GPC6: variants seen among roughly 807,000 people sequenced by gnomAD.
GPC6 encodes glypican 6, also known as glypican-6.
In GPC6, 14 loss-of-function variants were observed where a neutral mutation model predicts 55.2. The observed-to-expected ratio is 0.25, with a 90% CI of 0.17 to 0.40. The LOEUF is 0.40. Among genes scored for constraint, GPC6 ranks in the 10% least tolerant of loss-of-function variants. GPC6 has a pLI of 1.00. For missense variants in GPC6, 641 were observed against 708.5 expected, an observed-to-expected ratio of 0.90 and a Z score of 1.08; for synonymous variants, 278 against 259.6, an observed-to-expected ratio of 1.07 and a Z score of -0.68.
intron 4 of GPC6, among the ~76,000 whole-genome samples, chr13:94,090,390 C>G (rs2138810526): frequency 6.6e-6 from 1 of 152,204 alleles, no homozygotes; most frequent in South Asian, 2.1e-4. Flanking sequence ...ATTATCATTT[C>G]TATTAGCATG....
At chr13:94,052,632 C>T (rs76632343) in intron 4 of GPC6, among the ~76,000 whole-genome samples, 1,768 of 152,214 alleles carry the variant, frequency 0.012, 44 homozygotes, top group African/African-American at 0.041. Context: ...TGCCTTACAT[C>T]GTTTAACAAT....
intron 4 of GPC6, among the ~76,000 whole-genome samples, chr13:94,232,079 A>G (rs1594081340): frequency 2.6e-5 from 4 of 152,120 alleles, no homozygotes; most frequent in Admixed American, 1.3e-4. Flanking sequence ...CGAAAAATAT[A>G]TTTTCTAAGA....
Position 94,080,887 on chromosome 13 carries a change from C to T in GPC6, c.877+52993C>T, listed in dbSNP as rs946778330. ...ATATGAATTTTGGAAGGATACAAAT[C>T]AGTTCATACCAAAGGGGAAGTATTT... is the stretch of plus-strand genomic sequence containing the variant. On this transcript the variant is annotated intron_variant, in intron 4 of 8. Coordinates refer to ENST00000377047, the MANE Select transcript of GPC6 (RefSeq NM_005708.5). Among the ~76,000 whole-genome samples the T allele has an allele frequency of 3.9e-5, 6 of 152,296 alleles. No homozygotes were observed. In the East Asian group the frequency reaches 1.2e-3, roughly 29 times the overall value.
At chr13:94,175,369 A>G (rs913636984) in intron 4 of GPC6, among the ~76,000 whole-genome samples, 1 of 152,140 alleles carries the variant, frequency 6.6e-6, no homozygotes, top group Non-Finnish European at 1.5e-5. Context: ...AACAAATGTT[A>G]CTTACTAGGA....
intron 3 of GPC6, among the ~76,000 whole-genome samples, chr13:93,951,221 G>C (rs957756559): frequency 5.3e-5 from 8 of 152,056 alleles, no homozygotes; most frequent in Non-Finnish European, 1.2e-4. Flanking sequence ...TCCAGTAAAA[G>C]GTGTCATGTT....
At chr13:93,302,350 C>A (rs138511657) in intron 1 of GPC6, among the ~76,000 whole-genome samples, 1 of 152,244 alleles carries the variant, frequency 6.6e-6, no homozygotes, top group African/African-American at 2.4e-5. Context: ...ACCATCCATG[C>A]ATTCTGGTTA....
At chr13:93,255,171 A>G (rs1876911955) in intron 1 of GPC6, among the ~76,000 whole-genome samples, 1 of 152,212 alleles carries the variant, frequency 6.6e-6, no homozygotes, top group Admixed American at 6.5e-5. Flanking sequence ...AAGAAAACGT[A>G]ATGATTACCC....
rs141481162 is a variant in GPC6, at chr13:94,069,457, C to T, written c.877+41563C>T. On this transcript the variant is annotated intron_variant, in intron 4 of 8. Transcript: ENST00000377047. Reference sequence around the variant, plus strand: ...CCCTATTGTCTTGGTGATTAACATTCGCCTCCTCATTACTTATGCAAATTT... The same window carrying T: ...CCCTATTGTCTTGGTGATTAACATTTGCCTCCTCATTACTTATGCAAATTT... 2.0e-4 allele frequency among the ~76,000 whole-genome samples: 31 copies of T among 152,298 alleles called. No homozygotes were observed. The East Asian group carries it at 4.1e-3, about 20-fold the overall frequency.
chr13:94,266,231 C>A (rs969593585), intron 4 of GPC6, among the ~76,000 whole-genome samples: 1 of 151,392 alleles, frequency 6.6e-6, no homozygotes, highest in South Asian at 2.1e-4. Context: ...TGCAGTGGCA[C>A]GATCTTGGCT....
chr13:93,339,879 G>A lies in GPC6; in HGVS notation c.160+112263G>A, dbSNP rs528178565. 1.1e-4 allele frequency among the ~76,000 whole-genome samples: 16 copies of A among 152,138 alleles called. 1 individual carries two copies. In the South Asian group the frequency reaches 3.1e-3, roughly 30 times the overall value. ...TTTTGAAAGGAGTATTAATCTAAAT[G>A]GATAAATGAGTCATCGTATTAAAAT... is the stretch of plus-strand genomic sequence containing the variant. On this transcript the variant is annotated intron_variant, in intron 1 of 8. Coordinates refer to ENST00000377047, the MANE Select transcript of GPC6 (RefSeq NM_005708.5).
intron 7 of GPC6, among the ~76,000 whole-genome samples, chr13:94,384,658 TG>T (rs536499385): frequency 5.8e-4 from 89 of 152,350 alleles, no homozygotes; most frequent in African/African-American, 2.1e-3. Context: ...GAGATCAGGA[TG>T]GCAGACAAGT....
At chr13:93,350,768 C>A (rs143579316) in intron 1 of GPC6, among the ~76,000 whole-genome samples, 2,395 of 152,230 alleles carry the variant, frequency 0.016, 52 homozygotes, top group African/African-American at 0.052. Context: ...AAAGCTAGAT[C>A]AAGTATTAAG....
chr13:93,587,730 A>C (rs1877272348), intron 2 of GPC6, among the ~76,000 whole-genome samples: 1 of 152,180 alleles, frequency 6.6e-6, no homozygotes, highest in Non-Finnish European at 1.5e-5. Context: ...AAGTAACCTC[A>C]GGCTGAAAGG....
At chr13:94,235,301 C>G (rs1890847717) in intron 4 of GPC6, among the ~76,000 whole-genome samples, 1 of 152,096 alleles carries the variant, frequency 6.6e-6, no homozygotes, top group African/African-American at 2.4e-5. Flanking sequence ...TTTTAACAAT[C>G]TCTGGGAGCG....
chr13:93,419,857 CA>C (rs1876860834), intron 1 of GPC6, among the ~76,000 whole-genome samples: 1 of 151,986 alleles, frequency 6.6e-6, no homozygotes, highest in African/African-American at 2.4e-5. Flanking sequence ...TAAATACAAG[CA>C]GAATTGAAGC....
At chr13:94,271,269 G>A (rs977025195) in intron 4 of GPC6, among the ~76,000 whole-genome samples, 4 of 151,608 alleles carry the variant, frequency 2.6e-5, no homozygotes, top group African/African-American at 4.8e-5. Flanking sequence ...GGGATTACAG[G>A]CATGAGCCAC....
Position 93,873,076 on chromosome 13 carries a change from TTAAC to T in GPC6, c.711+42534_711+42537del, listed in dbSNP as rs1043063554. Among the ~76,000 whole-genome samples, 15 of 151,932 alleles carry T rather than the reference TTAAC, an allele frequency of 9.9e-5. No individual in the cohort carries two copies. The Middle Eastern group carries it at 0.01, about 105-fold the overall frequency. On this transcript the variant is annotated intron_variant, in intron 3 of 8. Coordinates refer to ENST00000377047, the MANE Select transcript of GPC6 (RefSeq NM_005708.5). ...CAACCATTTGCTAAACATACACCCT[TTAAC>T]TACTTTTTTTTTTAGAGAAAAGGAC...
rs560662596 is a variant in GPC6, at chr13:94,306,211, T to A, written c.1152+88T>A. 6.2e-5 allele frequency: 88 copies of A among 1,410,432 alleles called. 1 individual carries two copies. In the South Asian group the frequency reaches 9.5e-4, roughly 15 times the overall value. 87.4% of individuals were successfully genotyped at this position (1,410,432 alleles called of 1,614,324 possible). Reference sequence around the variant, plus strand: ...ACTCCCAGGAGATTCTGGAAAAGTTTGTTATAAGAGTCATCTCATGCTTAT... The same window carrying A: ...ACTCCCAGGAGATTCTGGAAAAGTTAGTTATAAGAGTCATCTCATGCTTAT... On this transcript the variant is annotated intron_variant, in intron 6 of 8. Transcript: ENST00000377047.
At chr13:94,188,990 C>T (rs115258570) in intron 4 of GPC6, among the ~76,000 whole-genome samples, 454 of 152,244 alleles carry the variant, frequency 3.0e-3, no homozygotes, top group African/African-American at 0.011. Context: ...GAATAATAAG[C>T]GTCCCCACCA....
Sources: allele counts gnomAD v4.1 joint callset (sites outside exome capture counted in the v4.1 genomes callset), GRCh38; gene constraint gnomAD v4.1.1; transcripts MANE v1.5; gene names NCBI Gene and HGNC (gene_info 2026-07-23, HGNC 2026-07-21).